Variants in KLF8 observed in about 807,000 individuals in gnomAD.
The protein encoded by KLF8 is Krueppel-like factor 8.
Under a neutral mutation model 18.2 loss-of-function variants are expected in KLF8, and 10 were observed. The ratio of observed to expected loss-of-function variants is 0.55; its 90% CI spans 0.34 to 0.93. The LOEUF (loss-of-function observed/expected upper bound fraction) is 0.93, where lower values mean the gene tolerates loss of function less well. Ranked by LOEUF, KLF8 falls within the 40% of genes least tolerant of loss-of-function variation. The probability of loss-of-function intolerance (pLI) is 0.02; values close to 1 mark genes in which losing one functional copy is unlikely to be tolerated. For synonymous variants in KLF8, 109 were observed against 97.3 expected, an observed-to-expected ratio of 1.12 and a Z score of -0.71; for missense variants, 264 against 277.9, an observed-to-expected ratio of 0.95 and a Z score of 0.36.
chrX:56,250,738 T>C (rs2066697631), intron 2 of KLF8, among the ~76,000 whole-genome samples: 1 of 110,373 alleles, frequency 9.1e-6, no homozygotes, highest in African/African-American at 3.3e-5. Context: ...TATATGTACA[T>C]GGAGAGAGAG....
chrX:55,962,190 G>A, the KLF8 span: 82 of 159,126 alleles, frequency 5.2e-4, no homozygotes, highest in Non-Finnish European at 4.8e-4. Context: ...TCTTAACACC[G>A]AAATTTGCAA....
the KLF8 span, among the ~76,000 whole-genome samples, chrX:55,993,863 A>G: frequency 9.2e-6 from 1 of 108,392 alleles, no homozygotes; most frequent in Admixed American, 9.9e-5. Context: ...GTATATTCCC[A>G]GAAATTTACC....
the KLF8 span, among the ~76,000 whole-genome samples, chrX:55,941,802 C>T: frequency 8.9e-6 from 1 of 111,881 alleles, no homozygotes; most frequent in African/African-American, 3.2e-5. Flanking sequence ...GAATGCAAAA[C>T]GAAACCACAA....
At chrX:56,194,520 A>G in the KLF8 span, among the ~76,000 whole-genome samples, 1 of 112,271 alleles carries the variant, frequency 8.9e-6, no homozygotes, top group Non-Finnish European at 1.9e-5. Context: ...GGTGTCCACC[A>G]TTGCTGATGC....
chrX:56,040,845 A>T, the KLF8 span, among the ~76,000 whole-genome samples: 116 of 10,370 alleles, frequency 0.011, no homozygotes, highest in East Asian at 0.015. Context: ...TTTTTTTGGT[A>T]CCTTTGGTAG....
At chrX:55,988,052 GT>G in the KLF8 span, among the ~76,000 whole-genome samples, 1 of 111,659 alleles carries the variant, frequency 9.0e-6, no homozygotes, top group East Asian at 2.8e-4. Flanking sequence ...GGGGTTCTTT[GT>G]TTTTTTCTTG....
chrX:56,113,308 T>TGA, the KLF8 span, among the ~76,000 whole-genome samples: 6 of 110,841 alleles, frequency 5.4e-5, no homozygotes, highest in Admixed American at 5.8e-4. Context: ...TTTCATGGTT[T>TGA]TTTTTTTTGT....
At chrX:56,007,092 A>G in the KLF8 span, among the ~76,000 whole-genome samples, 1 of 112,025 alleles carries the variant, frequency 8.9e-6, no homozygotes, top group Non-Finnish European at 1.9e-5. Flanking sequence ...GGCTCTCAGG[A>G]TCTGGTTACT....
At chrX:55,922,838 G>A in the KLF8 span, among the ~76,000 whole-genome samples, 1 of 111,966 alleles carries the variant, frequency 8.9e-6, no homozygotes, top group African/African-American at 3.2e-5. Flanking sequence ...AGATGCTGGT[G>A]AGATTTTAGA....
the KLF8 span, among the ~76,000 whole-genome samples, chrX:56,031,389 C>T: frequency 8.9e-6 from 1 of 112,196 alleles, no homozygotes; most frequent in Non-Finnish European, 1.9e-5. Context: ...TACAGGCATG[C>T]TGTGGGTGGT....
the KLF8 span, among the ~76,000 whole-genome samples, chrX:56,111,775 C>T: frequency 8.9e-6 from 1 of 112,106 alleles, no homozygotes; most frequent in Non-Finnish European, 1.9e-5. Context: ...ATCAAAACCA[C>T]AATGAGATAC....
chrX:56,187,088 G>A, the KLF8 span, among the ~76,000 whole-genome samples: 1 of 111,264 alleles, frequency 9.0e-6, no homozygotes, highest in Non-Finnish European at 1.9e-5. Context: ...TCTAGGAGCT[G>A]GTTTTTGAAA....
At chrX:56,118,486 C>G in the KLF8 span, among the ~76,000 whole-genome samples, 1 of 110,362 alleles carries the variant, frequency 9.1e-6, no homozygotes, top group South Asian at 3.9e-4. Flanking sequence ...TTTCTAAGGC[C>G]CTCACAGTCT....
At chrX:55,991,890 C>T in the KLF8 span, among the ~76,000 whole-genome samples, 1 of 112,248 alleles carries the variant, frequency 8.9e-6, no homozygotes, top group Non-Finnish European at 1.9e-5. Context: ...TTCTTGTCCA[C>T]TTGTATGTCT....
chrX:56,175,096 T>A, the KLF8 span, among the ~76,000 whole-genome samples: 1 of 111,706 alleles, frequency 9.0e-6, no homozygotes, highest in South Asian at 3.8e-4. Flanking sequence ...CTCTATTTCC[T>A]TCAGTTCTGC....
At chrX:55,983,868 CAT>C in the KLF8 span, among the ~76,000 whole-genome samples, 11 of 110,334 alleles carry the variant, frequency 1.0e-4, no homozygotes, top group African/African-American at 2.3e-4. Flanking sequence ...TAAGTAAAAA[CAT>C]GTGATATTTT....
chrX:56,136,717 C>T, the KLF8 span, among the ~76,000 whole-genome samples: 50 of 111,234 alleles, frequency 4.5e-4, no homozygotes, highest in African/African-American at 1.6e-3. Context: ...GTCTAAAACG[C>T]CAAAAGCAAT....
At chrX:56,202,464 A>C in the KLF8 span, among the ~76,000 whole-genome samples, 1 of 110,773 alleles carries the variant, frequency 9.0e-6, no homozygotes, top group Non-Finnish European at 1.9e-5. Flanking sequence ...TTGTACATGT[A>C]CAATTAAGCT....
the KLF8 span, among the ~76,000 whole-genome samples, chrX:55,978,351 T>C: frequency 8.9e-6 from 1 of 112,102 alleles, no homozygotes; most frequent in African/African-American, 3.2e-5. Flanking sequence ...TTTCCGTCTT[T>C]TAACAATTAG....
Sources: gnomAD v4.1 joint callset for allele counts (sites outside exome capture counted in the v4.1 genomes callset) on GRCh38, gnomAD v4.1.1 for gene constraint, MANE v1.5 for transcripts, NCBI Gene and HGNC (gene_info 2026-07-23, HGNC 2026-07-21) for gene names.